Variants in PURG observed in about 807,000 individuals in gnomAD.
PURG encodes purine rich element binding protein G.
In PURG, 3 loss-of-function variants were observed where a neutral mutation model predicts 24.3. The ratio of observed to expected loss-of-function variants is 0.12; its 90% CI spans 0.06 to 0.32. PURG has a LOEUF of 0.32. Among genes scored for constraint, PURG ranks in the 10% least tolerant of loss-of-function variants. PURG has a pLI of 1.00. For missense variants in PURG, 371 were observed against 439.1 expected (o/e 0.84, Z 1.39); for synonymous variants, 180 against 173.1 (o/e 1.04, Z -0.31).
At chr8:31,030,042 G>A (rs1336961051), downstream of PURG, among the ~76,000 whole-genome samples, 1 of 151,778 alleles carries the variant, frequency 6.6e-6, no homozygotes, top group African/African-American at 2.4e-5. Flanking sequence ...TATATATGTC[G>A]GGGTTACTGA....
At chr8:31,021,417 T>C (rs2129826160) in intron 1 of PURG, among the ~76,000 whole-genome samples, 1 of 152,320 alleles carries the variant, frequency 6.6e-6, no homozygotes, top group African/African-American at 2.4e-5. Flanking sequence ...TGGAAATAGT[T>C]GATCAAGATT....
Position 31,031,064 on chromosome 8 carries a change from G to A in PURG, c.*675C>T, listed in dbSNP as rs1337911747. ...GGATTGTAACTAAACTTAGAATAAC[G>A]AATTAAAACTCTCCCATGGCTTTGA... is the stretch of plus-strand genomic sequence containing the variant. On this transcript the variant is annotated 3_prime_UTR_variant, in exon 2 of 2. Coordinates refer to ENST00000523392, the MANE Select transcript of PURG (RefSeq NM_001323311.2). 1 of 152,442 alleles carries A rather than the reference G, an allele frequency of 6.6e-6. No homozygotes were observed. Among genetic ancestry groups the A allele is most frequent in the Non-Finnish European group, 1.5e-5 (1 of 67,950 alleles). The allele number at this position is 152,442 out of a possible 1,614,324, so 9.4% of individuals were successfully genotyped here. A position where few individuals can be genotyped will look rare whatever the true frequency, so the allele number is the denominator to read the frequency against.
intron 1 of PURG, among the ~76,000 whole-genome samples, chr8:31,005,477 A>T (rs1286018247): frequency 2.0e-5 from 3 of 151,806 alleles, no homozygotes; most frequent in Non-Finnish European, 4.4e-5. Flanking sequence ...AAAGAAAAAT[A>T]CATGCAATTA....
intron 1 of PURG, among the ~76,000 whole-genome samples, chr8:31,018,416 ATAAT>A (rs1379609016): frequency 6.6e-6 from 1 of 152,220 alleles, no homozygotes; most frequent in African/African-American, 2.4e-5. Context: ...GCGTGCCTAA[ATAAT>A]TAATTCCAGG....
intron 1 of PURG, among the ~76,000 whole-genome samples, chr8:31,016,510 C>T (rs1810867185): frequency 7.5e-6 from 1 of 133,914 alleles, no homozygotes; most frequent in Admixed American, 8.4e-5. Flanking sequence ...TCATGACTGA[C>T]AGTATTTAAA....
Sources: gnomAD v4.1 joint callset for allele counts (sites outside exome capture counted in the v4.1 genomes callset) on GRCh38, gnomAD v4.1.1 for gene constraint, MANE v1.5 for transcripts, NCBI Gene and HGNC (gene_info 2026-07-23, HGNC 2026-07-21) for gene names.